Variants in CEP128 observed in about 807,000 individuals in gnomAD.
The protein encoded by CEP128 is centrosomal protein 128kDa.
CEP128 carries 132 observed loss-of-function variants against 156.7 expected under a neutral mutation model. The observed-to-expected ratio is 0.84, with a 90% confidence interval of 0.73 to 0.97. CEP128 has a LOEUF of 0.97. CEP128 is among the 50% of genes least tolerant of loss of function. The pLI is 0.00. For missense variants in CEP128, 1,252 were observed against 1,281.9 expected (o/e 0.98, Z 0.36); for synonymous variants, 469 against 448.9 (o/e 1.04, Z -0.57).
At chr14:80,656,429 G>C (rs1379760924) in intron 19 of CEP128, among the ~76,000 whole-genome samples, 1 of 147,460 alleles carries the variant, frequency 6.8e-6, no homozygotes, top group Non-Finnish European at 1.5e-5. Context: ...GGTTGCTTTA[G>C]GCCAACTTCA....
chr14:80,875,281 G>C (rs946911592), intron 8 of CEP128, among the ~76,000 whole-genome samples: 8 of 152,146 alleles, frequency 5.3e-5, no homozygotes, highest in African/African-American at 1.7e-4. Context: ...TCAACAACAA[G>C]TAATAAGATA....
chr14:80,691,490 T>C (rs1330224196), intron 19 of CEP128, among the ~76,000 whole-genome samples: 1 of 152,150 alleles, frequency 6.6e-6, no homozygotes, highest in Non-Finnish European at 1.5e-5. Flanking sequence ...TCTCAGCAAC[T>C]AGTCAACAGT....
chr14:80,659,354 T>C (rs1479653024), intron 19 of CEP128, among the ~76,000 whole-genome samples: 1 of 152,166 alleles, frequency 6.6e-6, no homozygotes, highest in East Asian at 1.9e-4. Flanking sequence ...TTCATCCTTA[T>C]TACCTGCTTA....
At chr14:80,822,867 G>T in intron 13 of CEP128, 1 of 661,796 alleles carries the variant, frequency 1.5e-6, no homozygotes, top group Non-Finnish European at 2.8e-6. Context: ...TTTTTATCAA[G>T]TTTTATAAAA....
chr14:80,699,286 C>T (rs535393708), intron 19 of CEP128, among the ~76,000 whole-genome samples: 1 of 152,330 alleles, frequency 6.6e-6, no homozygotes, highest in African/African-American at 2.4e-5. Context: ...CCATCTCCAA[C>T]TCCTCCTATC....
chr14:80,614,502 C>T (rs780982497), intron 19 of CEP128, among the ~76,000 whole-genome samples: 3 of 152,056 alleles, frequency 2.0e-5, no homozygotes, highest in Non-Finnish European at 4.4e-5. Context: ...TTAATATATC[C>T]TTTAACTTTT....
At chr14:80,722,313 T>C (rs1318180678) in intron 19 of CEP128, among the ~76,000 whole-genome samples, 1 of 152,056 alleles carries the variant, frequency 6.6e-6, no homozygotes, top group African/African-American at 2.4e-5. Flanking sequence ...AACACAAATA[T>C]CATAAGTATT....
At chr14:80,541,402 C>T (rs1035512290) in intron 21 of CEP128, among the ~76,000 whole-genome samples, 3 of 144,124 alleles carry the variant, frequency 2.1e-5, no homozygotes, top group African/African-American at 7.9e-5. Context: ...GTGGAAAAAC[C>T]TTCACTCTTC....
chr14:80,796,307 A>C (rs1250937037), intron 13 of CEP128, among the ~76,000 whole-genome samples: 1 of 152,138 alleles, frequency 6.6e-6, no homozygotes, highest in Non-Finnish European at 1.5e-5. Flanking sequence ...TAAAAACACA[A>C]AAATTAGCTG....
At chr14:80,749,025 G>C (rs1899249439) in intron 18 of CEP128, among the ~76,000 whole-genome samples, 1 of 152,146 alleles carries the variant, frequency 6.6e-6, no homozygotes, top group African/African-American at 2.4e-5. Flanking sequence ...TAAGCCCTGG[G>C]AGAGACTCAG....
intron 2 of CEP128, among the ~76,000 whole-genome samples, chr14:80,929,110 C>T (rs1197242276): frequency 6.6e-6 from 1 of 151,328 alleles, no homozygotes; most frequent in East Asian, 1.9e-4. Context: ...GGCCAACAAA[C>T]ATGAAAAAAA....
intron 17 of CEP128, among the ~76,000 whole-genome samples, chr14:80,757,572 T>A (rs966095535): frequency 6.6e-6 from 1 of 152,262 alleles, no homozygotes; most frequent in Non-Finnish European, 1.5e-5. Context: ...AGTAAAACTG[T>A]ATTCAAAGTT....
At chr14:80,923,709 T>C (rs1354294358) in intron 2 of CEP128, among the ~76,000 whole-genome samples, 1 of 151,970 alleles carries the variant, frequency 6.6e-6, no homozygotes, top group Non-Finnish European at 1.5e-5. Flanking sequence ...AAATTGGGAG[T>C]GTACTTTACA....
rs149051002 is a variant in CEP128, at chr14:80,668,769, C to T, written c.2806+74306G>A. Among the ~76,000 whole-genome samples the T allele has an allele frequency of 4.6e-5, 7 of 152,272 alleles. No homozygotes were observed. The East Asian group carries it at 1.4e-3, about 29-fold the overall frequency. ...ACCCAAAACTCATCTTGAATTTTAG[C>T]TCCCATAATTCCCACATGTCATGGG... On this transcript the variant is annotated intron_variant, in intron 19 of 24. Transcript: ENST00000555265.
chr14:80,792,626 A>C, intron 14 of CEP128, 134 bp downstream of exon 14: 1 of 698,024 alleles, frequency 1.4e-6, no homozygotes, highest in Non-Finnish European at 2.4e-6. Context: ...GAAACAGCCA[A>C]GACATAAGGA....
intron 20 of CEP128, 46 bp downstream of exon 20, chr14:80,580,328 A>G (rs780156987): frequency 1.6e-6 from 2 of 1,279,198 alleles, no homozygotes; most frequent in Non-Finnish European, 2.3e-6. Context: ...AGAGTAAAAA[A>G]CAAATGTTTT....
At chr14:80,727,062 A>G (rs1193491475) in intron 19 of CEP128, among the ~76,000 whole-genome samples, 1 of 152,192 alleles carries the variant, frequency 6.6e-6, no homozygotes, top group Non-Finnish European at 1.5e-5. Flanking sequence ...GAACATGGTT[A>G]TGGAGGCATG....
chr14:80,822,377 CA>C (rs1461297445), intron 13 of CEP128: 1 of 385,480 alleles, frequency 2.6e-6, no homozygotes, highest in East Asian at 6.7e-5. Flanking sequence ...CTACTGGCCC[CA>C]TGCAAGTCCA....
intron 19 of CEP128, among the ~76,000 whole-genome samples, chr14:80,678,832 ATGT>A (rs1046602521): frequency 2.0e-5 from 3 of 152,228 alleles, no homozygotes; most frequent in African/African-American, 7.2e-5. Flanking sequence ...ATTTGGGTCC[ATGT>A]TGTGGGAAGT....
Sources: allele counts gnomAD v4.1 joint callset (sites outside exome capture counted in the v4.1 genomes callset), GRCh38; gene constraint gnomAD v4.1.1; transcripts MANE v1.5; gene names NCBI Gene and HGNC (gene_info 2026-07-23, HGNC 2026-07-21).